The following COG6 variants were observed in gnomAD, a reference collection of about 807,000 sequenced individuals.
COG6 encodes conserved oligomeric Golgi complex subunit 6.
A neutral mutation model predicts 88.8 loss-of-function variants in COG6; 74 were observed. The observed-to-expected ratio is 0.83, with a 90% CI of 0.69 to 1.01. The LOEUF (loss-of-function observed/expected upper bound fraction) is 1.01. COG6 is among the 50% of genes least tolerant of loss of function. The probability of loss-of-function intolerance (pLI) is 0.00; values close to 1 mark genes in which losing one functional copy is unlikely to be tolerated. For synonymous variants in COG6, 286 were observed against 278.7 expected (o/e 1.03, Z -0.26); for missense variants, 800 against 797.9 (o/e 1.00, Z -0.03).
chr13:39,683,286 T>C (rs1283223124), intron 8 of COG6, among the ~76,000 whole-genome samples: 1 of 152,188 alleles, frequency 6.6e-6, no homozygotes, highest in Non-Finnish European at 1.5e-5. Context: ...GCTGTGTGGC[T>C]CAAGTATTCT....
intron 4 of COG6, among the ~76,000 whole-genome samples, chr13:39,667,622 A>G (rs186917972): frequency 1.3e-4 from 20 of 152,192 alleles, no homozygotes; most frequent in African/African-American, 4.1e-4. Flanking sequence ...TTAACATTTA[A>G]TCAAAGACTT....
intron 13 of COG6, among the ~76,000 whole-genome samples, chr13:39,706,255 T>TTATA (rs71298976): frequency 0.11 from 12,194 of 114,548 alleles, 1,531 homozygotes; most frequent in African/African-American, 0.24. Context: ...ATATACTCCT[T>TTATA]TATATATATA....
intron 18 of COG6, among the ~76,000 whole-genome samples, chr13:39,761,536 A>T (rs1881013465): frequency 6.6e-6 from 1 of 152,012 alleles, no homozygotes; most frequent in African/African-American, 2.4e-5. Context: ...GACAAATAGG[A>T]TTATATCAAA....
chr13:39,765,306 T>C (rs1204351218), intron 18 of COG6, among the ~76,000 whole-genome samples: 1 of 152,212 alleles, frequency 6.6e-6, no homozygotes, highest in Non-Finnish European at 1.5e-5. Context: ...TTTGCTTTGA[T>C]CCCATGGTAA....
intron 4 of COG6, among the ~76,000 whole-genome samples, chr13:39,674,957 G>A (rs1875876991): frequency 6.6e-6 from 1 of 152,114 alleles, no homozygotes; most frequent in African/African-American, 2.4e-5. Context: ...TTAAAAATAA[G>A]TGGGGATTCC....
At chr13:39,724,303 T>C (rs1450887690) in intron 16 of COG6, among the ~76,000 whole-genome samples, 1 of 151,968 alleles carries the variant, frequency 6.6e-6, no homozygotes, top group Admixed American at 6.6e-5. Flanking sequence ...GTTAATAAAC[T>C]TGAGCACGTC....
chr13:39,691,442 A>G (rs1270812912), intron 11 of COG6, among the ~76,000 whole-genome samples: 1 of 151,996 alleles, frequency 6.6e-6, no homozygotes, highest in African/African-American at 2.4e-5. Context: ...GGTAAAGAAG[A>G]CACTAGTAAG....
chr13:39,677,692 T>C (rs1876056536), intron 5 of COG6, 113 bp downstream of exon 5: 1 of 605,640 alleles, frequency 1.7e-6, no homozygotes, highest in Non-Finnish European at 2.9e-6. Flanking sequence ...TCTGAGAATA[T>C]TTTTATGTTT....
In COG6 at chr13:39,689,690, G is replaced by GT. The variant is rs887976005; in HGVS notation, c.1010-64dup. On this transcript the variant is annotated intron_variant, in intron 10 of 18. Coordinates refer to ENST00000455146, the MANE Select transcript of COG6 (RefSeq NM_020751.3). The stretch of plus-strand genomic sequence containing the variant: ...TATATGTATTATATATTATTTGTTA[G>GT]TTTTTTGAACTTATATGAAGCAAAG... 9 of 1,005,092 alleles carry GT rather than the reference G, an allele frequency of 9.0e-6. No homozygotes were observed. The African/African-American group carries it at 1.3e-4, about 14-fold the overall frequency. The allele number at this position is 1,005,092 out of a possible 1,614,324, so 62.3% of individuals were successfully genotyped here. A position where few individuals can be genotyped will look rare whatever the true frequency, so the allele number is the denominator to read the frequency against.
intron 18 of COG6, among the ~76,000 whole-genome samples, chr13:39,737,199 C>T (rs575446039): frequency 6.6e-6 from 1 of 152,210 alleles, no homozygotes; most frequent in East Asian, 1.9e-4. Flanking sequence ...TGAGCTGCCT[C>T]GGAGCTGGGG....
At position 39,706,290 on chromosome 13, in the gene COG6, T is replaced by G. The variant is rs369018421; in HGVS notation, c.1284+6672T>G. ...ATATATATATATATTTAAATATATATAGAGAGAGAATGAGGAAATTAGTTT... is the reference window on the plus strand; with the variant it reads ...ATATATATATATATTTAAATATATAGAGAGAGAGAATGAGGAAATTAGTTT... On this transcript the variant is annotated intron_variant, in intron 13 of 18. Transcript: ENST00000455146. Among the ~76,000 whole-genome samples, 672 of 138,442 alleles carry G rather than the reference T, an allele frequency of 4.9e-3. 11 individuals are homozygous for G. Among genetic ancestry groups the G allele is most frequent in the East Asian group, 0.016 (74 of 4,704 alleles). The allele number at this position is 138,442 out of a possible 152,430, so 90.8% of individuals were successfully genotyped here.
chr13:39,670,293 A>G (rs1214776425), intron 4 of COG6, among the ~76,000 whole-genome samples: 1 of 152,112 alleles, frequency 6.6e-6, no homozygotes, highest in East Asian at 1.9e-4. Flanking sequence ...AAATACTACT[A>G]AAATCACTAT....
At chr13:39,716,359 C>G (rs779112478) in intron 13 of COG6, among the ~76,000 whole-genome samples, 62 of 151,956 alleles carry the variant, frequency 4.1e-4, no homozygotes, top group African/African-American at 1.4e-3. Context: ...CTTTTTATAT[C>G]CTTGTACATC....
intron 3 of COG6, among the ~76,000 whole-genome samples, chr13:39,664,626 T>C (rs1352668629): frequency 3.9e-5 from 6 of 152,260 alleles, no homozygotes; most frequent in Admixed American, 2.0e-4. Flanking sequence ...CAAAAACTTA[T>C]ATGGCAGGTA....
rs527857410 is a variant in COG6, at chr13:39,751,577, C to G, written c.*484C>G. On this transcript the variant is annotated 3_prime_UTR_variant, in exon 19 of 19. Transcript: ENST00000455146. ...CTGAACCTAGCCTATGTCTCTGTCC[C>G]CAAAATAGCTGCCCTTAAAGAGTTG... 21 of 1,287,032 alleles carry G rather than the reference C, an allele frequency of 1.6e-5. No individual in the cohort carries two copies. The African/African-American group carries it at 2.1e-4, about 13-fold the overall frequency. 79.7% of individuals were successfully genotyped at this position (1,287,032 alleles called of 1,614,324 possible).
rs865927959 is a variant in COG6, at chr13:39,664,126, T to C, written c.370-970T>C. 14 of 154,800 alleles carry C rather than the reference T, an allele frequency of 9.0e-5. 1 individual carries two copies. In the Middle Eastern group the frequency reaches 7.3e-3, roughly 80 times the overall value. The allele number at this position is 154,800 out of a possible 1,614,324, so 9.6% of individuals were successfully genotyped here. A position where few individuals can be genotyped will look rare whatever the true frequency, so the allele number is the denominator to read the frequency against. On this transcript the variant is annotated intron_variant, in intron 3 of 18. Coordinates refer to ENST00000455146, the MANE Select transcript of COG6 (RefSeq NM_020751.3). Reference sequence around the variant, plus strand: ...GAACCCAGAACTGGAGGTGTCTAGGTCTAAGGCAGCTCTAGAAAGAAACCG... The same window carrying C: ...GAACCCAGAACTGGAGGTGTCTAGGCCTAAGGCAGCTCTAGAAAGAAACCG...
chr13:39,723,708 C>A (rs1043740884), intron 16 of COG6, among the ~76,000 whole-genome samples: 2 of 151,872 alleles, frequency 1.3e-5, no homozygotes, highest in Admixed American at 6.6e-5. Flanking sequence ...ATTAACAATC[C>A]TTTTTATTAA....
At chr13:39,719,016 G>A (rs373624250) in intron 13 of COG6, among the ~76,000 whole-genome samples, 151 of 152,158 alleles carry the variant, frequency 9.9e-4, no homozygotes, top group African/African-American at 3.5e-3. Context: ...GAATTTTAGA[G>A]TACAAGGTGA....
chr13:39,656,391 C>G, intron 1 of COG6: 1 of 336,280 alleles, frequency 3.0e-6, no homozygotes, highest in Non-Finnish European at 5.9e-6. Context: ...TACCTTTGCC[C>G]GTGGCTGAAA....
Sources: allele counts gnomAD v4.1 joint callset (sites outside exome capture counted in the v4.1 genomes callset), GRCh38; gene constraint gnomAD v4.1.1; transcripts MANE v1.5; gene names NCBI Gene and HGNC (gene_info 2026-07-23, HGNC 2026-07-21).